Variants in TMSB15B observed in about 807,000 individuals in gnomAD.
The protein encoded by TMSB15B is thymosin beta-15B.
Position 103,928,459 on chromosome X carries a change from A to C in TMSB15B, c.-721+9167A>C, listed in dbSNP as rs1432222192. 1.0e-5 allele frequency: 12 copies of C among 1,202,083 alleles called. No individual in the cohort carries two copies. In the East Asian group the frequency reaches 2.7e-4, roughly 27 times the overall value. On this transcript the variant is annotated intron_variant, in intron 1 of 3. Transcript: ENST00000419165. ...CCTGGGACGCCACTGGGCTGCAGGG[A>C]TCATGTCTGGCCTGGTGGAGGCTGT...
intron 1 of TMSB15B, among the ~76,000 whole-genome samples, chrX:103,936,197 G>A: frequency 9.0e-6 from 1 of 111,512 alleles, no homozygotes; most frequent in Non-Finnish European, 1.9e-5. Flanking sequence ...GAAAGTCAAT[G>A]GTAGCTTGAA....
intron 1 of TMSB15B, chrX:103,928,175 C>T: frequency 1.7e-6 from 2 of 1,167,208 alleles, no homozygotes; most frequent in Non-Finnish European, 2.3e-6. Flanking sequence ...GAAAAGCTGG[C>T]ACTCCCAGGC....
chrX:103,923,104 C>T (rs1381883595), intron 1 of TMSB15B, among the ~76,000 whole-genome samples: 2 of 111,883 alleles, frequency 1.8e-5, no homozygotes, highest in Non-Finnish European at 3.8e-5. Context: ...TGGATATTAG[C>T]CCTTTGTCAG....
At chrX:103,919,377 G>T (rs1342371703) in intron 1 of TMSB15B, 2 of 112,623 alleles carry the variant, frequency 1.8e-5, no homozygotes, top group Non-Finnish European at 3.7e-5. Context: ...CCGGATGCCT[G>T]AAACACGAGG....
rs1343469544 is a variant in TMSB15B at position 103,929,056 on chromosome X, G to A, written c.-721+9764G>A. The A allele has an allele frequency of 3.7e-6, 4 of 1,079,427 alleles. No homozygotes were observed. The East Asian group carries it at 1.2e-4, about 33-fold the overall frequency. The allele number at this position is 1,079,427 out of a possible 1,213,427, so 89.0% of individuals were successfully genotyped here. A position where few individuals can be genotyped will look rare whatever the true frequency, so the allele number is the denominator to read the frequency against. ...GTGGCCATGCCACCTTTGTTATTCTGAATCTTCCCTGGTTGGTTCTATATA... is the reference window on the plus strand; with the variant it reads ...GTGGCCATGCCACCTTTGTTATTCTAAATCTTCCCTGGTTGGTTCTATATA... On this transcript the variant is annotated intron_variant, in intron 1 of 3. Coordinates refer to the TMSB15B transcript ENST00000419165.
intron 1 of TMSB15B, among the ~76,000 whole-genome samples, chrX:103,929,721 G>T (rs1184574979): frequency 8.1e-5 from 9 of 111,559 alleles, no homozygotes; most frequent in African/African-American, 2.9e-4. Context: ...GCTATAGTCT[G>T]CTTGGTGTTA....
At chrX:103,941,024 C>T (rs2075011319) in intron 1 of TMSB15B, among the ~76,000 whole-genome samples, 1 of 111,153 alleles carries the variant, frequency 9.0e-6, no homozygotes, top group Non-Finnish European at 1.9e-5. Context: ...CTTCTGCTCG[C>T]CCTCCGTGGG....
In TMSB15B at chrX:103,928,122, G is replaced by A; in HGVS notation, c.-721+8830G>A. ...ATGGGGGAGCAGAACCACTCTCCCA[G>A]GAAGGAGCTTCAGCACAGAACACAA... On this transcript the variant is annotated intron_variant, in intron 1 of 3. Coordinates refer to the TMSB15B transcript ENST00000419165. The A allele has an allele frequency of 3.5e-6, 4 of 1,131,706 alleles. No individual in the cohort carries two copies. In the South Asian group the frequency reaches 8.0e-5, roughly 23 times the overall value. The allele number at this position is 1,131,706 out of a possible 1,213,427, so 93.3% of individuals were successfully genotyped here.
intron 1 of TMSB15B, among the ~76,000 whole-genome samples, chrX:103,943,083 G>A (rs1602440997): frequency 9.0e-6 from 1 of 111,532 alleles, no homozygotes; most frequent in Non-Finnish European, 1.9e-5. Flanking sequence ...GTACAAATGG[G>A]ACAACTCTGA....
At chrX:103,941,155 C>A (rs1339933468) in intron 1 of TMSB15B, among the ~76,000 whole-genome samples, 2 of 112,095 alleles carry the variant, frequency 1.8e-5, no homozygotes, top group Non-Finnish European at 3.8e-5. Context: ...TGTTCCTATT[C>A]AGCCATCTTG....
chrX:103,944,670 T>C (rs1315740066), intron 1 of TMSB15B, among the ~76,000 whole-genome samples: 13 of 112,289 alleles, frequency 1.2e-4, no homozygotes, highest in Non-Finnish European at 2.4e-4. Flanking sequence ...GATCACCGTA[T>C]GAGGCGCAAC....
At chrX:103,941,960 T>C (rs1472679143) in intron 1 of TMSB15B, among the ~76,000 whole-genome samples, 1 of 112,358 alleles carries the variant, frequency 8.9e-6, no homozygotes, top group East Asian at 2.8e-4. Flanking sequence ...CATTTTTTCC[T>C]GTTGAGTTGT....
At chrX:103,929,872 T>C (rs1249857882) in intron 1 of TMSB15B, among the ~76,000 whole-genome samples, 19 of 110,107 alleles carry the variant, frequency 1.7e-4, no homozygotes, top group Non-Finnish European at 3.2e-4. Flanking sequence ...TTTATTTTAT[T>C]TTATTATTAT....
At chrX:103,949,829 G>A (rs1317348774) in intron 1 of TMSB15B, among the ~76,000 whole-genome samples, 1 of 111,713 alleles carries the variant, frequency 9.0e-6, no homozygotes, top group Non-Finnish European at 1.9e-5. Context: ...ATCACCAAGG[G>A]AGTATACATA....
At chrX:103,926,985 C>T (rs1157231575) in intron 1 of TMSB15B, among the ~76,000 whole-genome samples, 1 of 110,914 alleles carries the variant, frequency 9.0e-6, no homozygotes, top group African/African-American at 3.3e-5. Context: ...CAGGGACCCC[C>T]TCTTTCCTCC....
At chrX:103,946,207 TGATG>T (rs2075025143) in intron 1 of TMSB15B, among the ~76,000 whole-genome samples, 1 of 112,146 alleles carries the variant, frequency 8.9e-6, no homozygotes, top group Admixed American at 9.5e-5. Flanking sequence ...AAAGGACCAA[TGATG>T]GATGGCTGCA....
chrX:103,955,672 G>T (rs192688954), intron 1 of TMSB15B, among the ~76,000 whole-genome samples: 5 of 111,368 alleles, frequency 4.5e-5, no homozygotes, highest in Admixed American at 3.8e-4. Flanking sequence ...CGACTGCTTG[G>T]TGTACCTGAA....
rs782570945 is a variant in TMSB15B, at chrX:103,935,342, T to A, written c.-721+16050T>A. On this transcript the variant is annotated intron_variant, in intron 1 of 3. Coordinates refer to the TMSB15B transcript ENST00000419165. The stretch of plus-strand genomic sequence containing the variant: ...CTTTTGCTGTGCGGAAGCTCTTTAG[T>A]TAGTTAGATCCCATTTGTCAATTTT... Among the ~76,000 whole-genome samples the A allele has an allele frequency of 4.5e-5, 5 of 112,067 alleles. No homozygotes were observed. In the South Asian group the frequency reaches 1.9e-3, roughly 42 times the overall value.
chrX:103,939,163 T>C (rs193291842), intron 1 of TMSB15B, among the ~76,000 whole-genome samples: 2 of 111,355 alleles, frequency 1.8e-5, no homozygotes, highest in East Asian at 5.6e-4. Context: ...AGTATCTTTG[T>C]GGTGTTCTTT....
Sources: allele counts gnomAD v4.1 joint callset (sites outside exome capture counted in the v4.1 genomes callset), GRCh38; gene constraint gnomAD v4.1.1; transcripts MANE v1.5; gene names NCBI Gene and HGNC (gene_info 2026-07-23, HGNC 2026-07-21).